ARHGAP19: variants seen among roughly 807,000 people sequenced by gnomAD.
The protein encoded by ARHGAP19 is rho GTPase-activating protein 19.
Under a neutral mutation model 60.9 loss-of-function variants are expected in ARHGAP19, and 48 were observed. The ratio of observed to expected loss-of-function variants is 0.79; its 90% CI spans 0.62 to 1.00. The LOEUF (loss-of-function observed/expected upper bound fraction) is 1.00, where lower values mean the gene tolerates loss of function less well. Among genes scored for constraint, ARHGAP19 ranks in the 50% least tolerant of loss-of-function variants. ARHGAP19 has a pLI of 0.00. For missense variants in ARHGAP19, 562 were observed against 597.2 expected (o/e 0.94, Z 0.61); for synonymous variants, 209 against 215.5 (o/e 0.97, Z 0.27).
chr10:97,237,110 C>T (rs1040126256), intron 8 of ARHGAP19, among the ~76,000 whole-genome samples: 8 of 151,324 alleles, frequency 5.3e-5, no homozygotes, highest in African/African-American at 1.9e-4. Context: ...ACAAAAAATA[C>T]AAAAATTAGC....
At chr10:97,249,336 C>A (rs1589454196) in intron 6 of ARHGAP19, among the ~76,000 whole-genome samples, 1 of 152,206 alleles carries the variant, frequency 6.6e-6, no homozygotes, top group East Asian at 1.9e-4. Flanking sequence ...TGGCAGTTAG[C>A]AAAATTAACA....
At chr10:97,257,110 G>A (rs985142754) in intron 5 of ARHGAP19, among the ~76,000 whole-genome samples, 1 of 152,012 alleles carries the variant, frequency 6.6e-6, no homozygotes, top group Non-Finnish European at 1.5e-5. Context: ...GACAAAGCAA[G>A]ACTCTGTCTC....
chr10:97,285,295 A>T (rs980940293), intron 1 of ARHGAP19, among the ~76,000 whole-genome samples: 6 of 152,042 alleles, frequency 3.9e-5, no homozygotes, highest in Non-Finnish European at 5.9e-5. Flanking sequence ...TAAGATGATA[A>T]ACTGTTATGT....
At chr10:97,271,719 T>A (rs1440063136) in intron 1 of ARHGAP19, among the ~76,000 whole-genome samples, 1 of 152,096 alleles carries the variant, frequency 6.6e-6, no homozygotes, top group Non-Finnish European at 1.5e-5. Flanking sequence ...CTCACTCTTG[T>A]CACCCAGGCT....
At chr10:97,255,560 G>C (rs1391620520) in intron 6 of ARHGAP19, among the ~76,000 whole-genome samples, 1 of 152,080 alleles carries the variant, frequency 6.6e-6, no homozygotes, top group African/African-American at 2.4e-5. Context: ...CTGGGCGACA[G>C]AGTGAGACCT....
chr10:97,262,965 T>G (rs978331913), intron 4 of ARHGAP19, among the ~76,000 whole-genome samples: 1 of 151,812 alleles, frequency 6.6e-6, no homozygotes, highest in Non-Finnish European at 1.5e-5. Context: ...ACAAAAAAAT[T>G]TGCCAGGCGT....
chr10:97,254,698 A>AT (rs1455784589), intron 6 of ARHGAP19, among the ~76,000 whole-genome samples: 1 of 152,174 alleles, frequency 6.6e-6, no homozygotes, highest in African/African-American at 2.4e-5. Context: ...ACTTCATAAA[A>AT]TTTTTTTAAA....
intron 8 of ARHGAP19, among the ~76,000 whole-genome samples, chr10:97,237,738 G>A (rs1187241156): frequency 6.6e-6 from 1 of 152,026 alleles, no homozygotes; most frequent in African/African-American, 2.4e-5. Context: ...GGGCGTGGTG[G>A]TGGGCGCCTG....
intron 11 of ARHGAP19, among the ~76,000 whole-genome samples, chr10:97,227,880 C>T (rs563122871): frequency 1.2e-4 from 19 of 152,348 alleles, no homozygotes; most frequent in Admixed American, 2.6e-4. Context: ...TTTTAAAAAA[C>T]GTCTTTCTTT....
chr10:97,237,876 A>C lies in ARHGAP19; in HGVS notation c.1186-2561T>G, dbSNP rs369893574. On this transcript the variant is annotated intron_variant, in intron 8 of 11. Transcript: ENST00000358531. ...AAAGAGCGAGACTCTATCTCCAAAA[A>C]AAAACAAAAAACAAAAAAACAAAAC... 2.8e-3 allele frequency among the ~76,000 whole-genome samples: 423 copies of C among 152,286 alleles called. 2 individuals carry two copies. The highest frequency in any genetic ancestry group is 9.0e-3 in the African/African-American group (372 of 41,554).
chr10:97,230,182 C>G (rs1837323309), intron 9 of ARHGAP19, among the ~76,000 whole-genome samples: 1 of 151,860 alleles, frequency 6.6e-6, no homozygotes, highest in African/African-American at 2.4e-5. Flanking sequence ...CCTCTGAGAC[C>G]AGTTACTCAC....
intron 1 of ARHGAP19, among the ~76,000 whole-genome samples, chr10:97,288,809 CTTTTTTT>C (rs750951743): frequency 6.7e-5 from 8 of 120,006 alleles, no homozygotes; most frequent in African/African-American, 1.8e-4. Context: ...AACTTCTCTC[CTTTTTTT>C]TTTTTTTTTT....
rs1842752475 is a variant in ARHGAP19, at chr10:97,256,346, AT to A, written c.898del (p.Met300Ter). ...AAAAAGTTTCTGGGAGTGTTTAATC[AT>A]AAAAGCCATCCCACTGTTTAACTTT... ...ITKLNSGMAF[M>X]IKHSQKLFKA... On this transcript the variant is annotated frameshift_variant, in exon 6 of 12. Coordinates refer to ENST00000358531, the MANE Select transcript of ARHGAP19 (RefSeq NM_032900.6). LOFTEE classifies it high-confidence loss of function. 6.2e-7 allele frequency: 1 copy of A among 1,614,018 alleles called. No homozygotes were observed. The highest frequency in any genetic ancestry group is 8.5e-7 in the Non-Finnish European group (1 of 1,179,988).
chr10:97,270,688 A>T (rs1009002493), intron 1 of ARHGAP19: 9 of 1,542,172 alleles, frequency 5.8e-6, no homozygotes, highest in Non-Finnish European at 7.9e-6. Flanking sequence ...TGTGACAAAG[A>T]AACTCTCCTT....
At chr10:97,254,779 T>C (rs1842731683) in intron 6 of ARHGAP19, among the ~76,000 whole-genome samples, 1 of 152,156 alleles carries the variant, frequency 6.6e-6, no homozygotes. Flanking sequence ...TATTTGTCCA[T>C]ATAGCTGATA....
chr10:97,256,802 C>T (rs1312051600), intron 5 of ARHGAP19, among the ~76,000 whole-genome samples: 1 of 152,146 alleles, frequency 6.6e-6, no homozygotes, highest in Non-Finnish European at 1.5e-5. Context: ...ACTACTGATA[C>T]CAAAGGTGAC....
chr10:97,229,315 T>G, intron 10 of ARHGAP19, 90 bp from the exon 11 acceptor site: 1 of 1,113,872 alleles, frequency 9.0e-7, no homozygotes, highest in Non-Finnish European at 1.4e-6. Flanking sequence ...TTGTTCAATT[T>G]CAATGTGAAG....
chr10:97,270,574 C>T, intron 1 of ARHGAP19: 1 of 1,527,328 alleles, frequency 6.5e-7, no homozygotes, highest in Non-Finnish European at 8.9e-7. Flanking sequence ...ACGAAATATA[C>T]TAAAGTTCAA....
At position 97,224,330 on chromosome 10, in the gene ARHGAP19, A is replaced by C. The variant is rs923408253; in HGVS notation, c.*1792T>G. The C allele has an allele frequency of 6.6e-6, 1 of 152,228 alleles. No individual in the cohort carries two copies. The highest frequency in any genetic ancestry group is 1.5e-5 in the Non-Finnish European group (1 of 68,032). 9.4% of individuals were successfully genotyped at this position (152,228 alleles called of 1,614,324 possible). ...CTGGTGTAAGGGATTTCATTTTCTT[A>C]ATAAGAAAAAAAAAGTCAAATATTT... On this transcript the variant is annotated 3_prime_UTR_variant, in exon 12 of 12. Transcript: ENST00000358531.
Sources: gnomAD v4.1 joint callset for allele counts (sites outside exome capture counted in the v4.1 genomes callset) on GRCh38, gnomAD v4.1.1 for gene constraint, MANE v1.5 for transcripts, NCBI Gene and HGNC (gene_info 2026-07-23, HGNC 2026-07-21) for gene names.